PRPH2: variants seen among roughly 807,000 people sequenced by gnomAD.
The protein encoded by PRPH2 is peripherin 2.
Under a neutral mutation model 31.3 loss-of-function variants are expected in PRPH2, and 17 were observed. That is an observed-to-expected ratio of 0.54 (90% CI 0.37 to 0.81). PRPH2 has a LOEUF of 0.81. Ranked by LOEUF, PRPH2 falls within the 40% of genes least tolerant of loss-of-function variation. The probability of loss-of-function intolerance (pLI) is 0.00; values close to 1 mark genes in which losing one functional copy is unlikely to be tolerated. For synonymous variants in PRPH2, 165 were observed against 184.4 expected, an observed-to-expected ratio of 0.89 and a Z score of 0.85; for missense variants, 430 against 439.7, an observed-to-expected ratio of 0.98 and a Z score of 0.20.
Position 42,704,393 on chromosome 6 carries a change from A to G in PRPH2, c.800T>C (p.Val267Ala), listed in dbSNP as rs1009889150. The part of the protein sequence containing the change: ...YYSSLMNSMG[V>A]VTLLIWLFEV... Reference sequence around the variant, plus strand: ...GAAGAGCCAAATGAGGAGCGTGACGACACCCATGGAGTTCATGAGGCTGCT... The same window carrying G: ...GAAGAGCCAAATGAGGAGCGTGACGGCACCCATGGAGTTCATGAGGCTGCT... Residue 267 changes from valine to alanine, a missense_variant, in exon 2 of 3, where the codon GTC becomes GCC. Coordinates refer to ENST00000230381, the MANE Select transcript of PRPH2 (RefSeq NM_000322.5). 7.5e-6 allele frequency: 12 copies of G among 1,609,718 alleles called. No homozygotes were observed. Among genetic ancestry groups the G allele is most frequent in the Non-Finnish European group, 1.0e-5 (12 of 1,178,200 alleles).
At chr6:42,702,629 C>T (rs897463479) in intron 2 of PRPH2, among the ~76,000 whole-genome samples, 1 of 151,710 alleles carries the variant, frequency 6.6e-6, no homozygotes, top group East Asian at 1.9e-4. Flanking sequence ...TTTGGGAGGC[C>T]GAGGCCGAGG....
At chr6:42,708,031 G>A (rs1324132685) in intron 1 of PRPH2, among the ~76,000 whole-genome samples, 1 of 152,186 alleles carries the variant, frequency 6.6e-6, no homozygotes, top group African/African-American at 2.4e-5. Flanking sequence ...AAGAGTGCTG[G>A]TATTAATACA....
chr6:42,705,599 A>ATATATATATATATAT (rs1317305870), intron 1 of PRPH2, among the ~76,000 whole-genome samples: 3 of 21,470 alleles, frequency 1.4e-4, no homozygotes, highest in South Asian at 1.6e-3. Context: ...AAAAAAAAAA[A>ATATATATATATATAT]ATATATATAT....
intron 1 of PRPH2, among the ~76,000 whole-genome samples, chr6:42,720,905 G>A (rs1761890952): frequency 6.6e-6 from 1 of 152,208 alleles, no homozygotes; most frequent in African/African-American, 2.4e-5. Context: ...TGTTCCCTCC[G>A]ACACAGTGGT....
At position 42,698,317 on chromosome 6, in the gene PRPH2, C is replaced by A. The variant is rs1562419928; in HGVS notation, c.1019G>T (p.Gly340Val). Residue 340 changes from glycine (G) to valine (V), a missense_variant, in exon 3 of 3, where the codon GGC becomes GTC. Transcript: ENST00000230381. Reference sequence around the variant, plus strand: ...CCCTCAGCCAGCCTCTGGGGCCTGGCCTGCGTCTGCGCCCTCGGCTTCCAC... The same window carrying A: ...CCCTCAGCCAGCCTCTGGGGCCTGGACTGCGTCTGCGCCCTCGGCTTCCAC... ...NQVEAEGADA[G>V]QAPEAG 1 of 1,613,912 alleles carries A rather than the reference C, an allele frequency of 6.2e-7. No homozygotes were observed. Among genetic ancestry groups the A allele is most frequent in the East Asian group, 2.2e-5 (1 of 44,870 alleles).
At position 42,722,254 on chromosome 6, in the gene PRPH2, G is replaced by A. The variant is rs1170303882; in HGVS notation, c.81C>T (p.Ser27=). 1.2e-5 allele frequency: 19 copies of A among 1,614,042 alleles called. No homozygotes were observed. Among genetic ancestry groups the A allele is most frequent in the South Asian group, 2.2e-5 (2 of 91,092 alleles). The change falls in exon 1 of 3, where the codon TCC becomes TCT. Residue 27 remains serine (S), a synonymous_variant. Coordinates refer to ENST00000230381, the MANE Select transcript of PRPH2 (RefSeq NM_000322.5). The surrounding 1 kb of genome is among the most constrained non-coding windows in gnomAD (Gnocchi z 4.4). The part of the protein sequence containing the change: ...AQGLWLMNWF[S]VLAGIIIFSL... Reference sequence around the variant, plus strand: ...TGAAGATGATGATGCCAGCCAACACGGAGAACCAGTTCATGAGCCAGAGCC... The same window carrying A: ...TGAAGATGATGATGCCAGCCAACACAGAGAACCAGTTCATGAGCCAGAGCC...
In PRPH2 at chr6:42,698,385, C is replaced by T. The variant is rs200269333; in HGVS notation, c.951G>A (p.Lys317=). Residue 317 remains lysine (K), a synonymous_variant, in exon 3 of 3, where the codon AAG becomes AAA. Coordinates refer to ENST00000230381, the MANE Select transcript of PRPH2 (RefSeq NM_000322.5). Reference sequence around the variant, plus strand: ...GCTTCTTCACACTCTCCAGAAAGGCCTTCCAGGTCTCCGGCACGCTCCTCT... The same window carrying T: ...GCTTCTTCACACTCTCCAGAAAGGCTTTCCAGGTCTCCGGCACGCTCCTCT... ...LLERSVPETW[K]AFLESVKKLG... 6.2e-7 allele frequency: 1 copy of T among 1,613,928 alleles called. No homozygotes were observed. The highest frequency in any genetic ancestry group is 8.5e-7 in the Non-Finnish European group (1 of 1,179,804).
At chr6:42,711,073 C>G (rs1420764256) in intron 1 of PRPH2, among the ~76,000 whole-genome samples, 1 of 152,022 alleles carries the variant, frequency 6.6e-6, no homozygotes, top group African/African-American at 2.4e-5. Context: ...TGAATGTGTC[C>G]CCCAAAGTTC....
At chr6:42,711,906 C>T in intron 1 of PRPH2, 1 of 985,382 alleles carries the variant, frequency 1.0e-6, no homozygotes, top group African/African-American at 1.7e-5. Context: ...CTACCTCTCA[C>T]CCCAAGACAC....
At chr6:42,711,752 A>C in intron 1 of PRPH2, 1 of 985,236 alleles carries the variant, frequency 1.0e-6, no homozygotes, top group Non-Finnish European at 1.2e-6. Flanking sequence ...AAGAGCAAGC[A>C]GGTACCTGTA....
At position 42,714,001 on chromosome 6, in the gene PRPH2, G is replaced by C. The variant is rs917596069; in HGVS notation, c.581+7753C>G. On this transcript the variant is annotated intron_variant, in intron 1 of 2. Coordinates refer to ENST00000230381, the MANE Select transcript of PRPH2 (RefSeq NM_000322.5). ...AAAAGCAAGACTTCCCGTACCCCAA[G>C]CAGCCTGGATAATTTGAGGTTTCTG... 2.0e-5 allele frequency among the ~76,000 whole-genome samples: 3 copies of C among 148,746 alleles called. No individual in the cohort carries two copies. The South Asian group carries it at 6.5e-4, about 32-fold the overall frequency.
At chr6:42,707,871 G>A (rs1421245162) in intron 1 of PRPH2, among the ~76,000 whole-genome samples, 5 of 152,142 alleles carry the variant, frequency 3.3e-5, no homozygotes, top group South Asian at 2.1e-4. Flanking sequence ...AGCACAGATC[G>A]GTGACAAGAG....
At chr6:42,710,392 G>A (rs1227174045) in intron 1 of PRPH2, among the ~76,000 whole-genome samples, 1 of 152,196 alleles carries the variant, frequency 6.6e-6, no homozygotes, top group Non-Finnish European at 1.5e-5. Context: ...CTTGGTGAAC[G>A]TTGGGACCTG....
intron 2 of PRPH2, among the ~76,000 whole-genome samples, chr6:42,702,471 G>A (rs1443414795): frequency 6.6e-6 from 1 of 151,110 alleles, no homozygotes; most frequent in East Asian, 1.9e-4. Flanking sequence ...TGCTCTCAAG[G>A]TAGCTCAAAG....
At chr6:42,708,686 T>A (rs947689139) in intron 1 of PRPH2, among the ~76,000 whole-genome samples, 2 of 152,090 alleles carry the variant, frequency 1.3e-5, no homozygotes, top group African/African-American at 4.8e-5. Context: ...AGCCTTCCCC[T>A]CAGTACAGTG....
In PRPH2 at chr6:42,698,143, C is replaced by G. The variant is rs113384495; in HGVS notation, c.*152G>C. The G allele has an allele frequency of 2.4e-5, 25 of 1,042,140 alleles. No individual in the cohort carries two copies. In the South Asian group the frequency reaches 3.8e-4, roughly 16 times the overall value. The allele number at this position is 1,042,140 out of a possible 1,614,324, so 64.6% of individuals were successfully genotyped here. A position where few individuals can be genotyped will look rare whatever the true frequency, so the allele number is the denominator to read the frequency against. On this transcript the variant is annotated 3_prime_UTR_variant, in exon 3 of 3. Coordinates refer to ENST00000230381, the MANE Select transcript of PRPH2 (RefSeq NM_000322.5). ...ACTGTGTGTCAAATGCTTTTAGGGA[C>G]CCTAAACTTAAATTCCACCGTCAGG... is the stretch of plus-strand genomic sequence containing the variant.
At chr6:42,718,652 ATT>A (rs557579762) in intron 1 of PRPH2, among the ~76,000 whole-genome samples, 4 of 149,160 alleles carry the variant, frequency 2.7e-5, no homozygotes, top group Non-Finnish European at 6.0e-5. Context: ...TAATTCATAT[ATT>A]TTTTTTTTTT....
intron 1 of PRPH2, among the ~76,000 whole-genome samples, chr6:42,710,532 T>G (rs995834411): frequency 6.6e-6 from 1 of 152,162 alleles, no homozygotes; most frequent in African/African-American, 2.4e-5. Context: ...CCTCTCACCC[T>G]CTTAAGACAA....
intron 1 of PRPH2, among the ~76,000 whole-genome samples, chr6:42,714,274 A>C (rs1408068902): frequency 6.6e-6 from 1 of 152,204 alleles, no homozygotes; most frequent in African/African-American, 2.4e-5. Context: ...ACTCATTCAT[A>C]TGAAATGTCC....
Sources: gnomAD v4.1 joint callset for allele counts (sites outside exome capture counted in the v4.1 genomes callset) on GRCh38, gnomAD v4.1.1 for gene constraint, Gnocchi (gnomAD v3.1) non-coding constraint, MANE v1.5 for transcripts, NCBI Gene and HGNC (gene_info 2026-07-23, HGNC 2026-07-21) for gene names.